The following C1orf21 variants were observed in gnomAD, a reference collection of about 807,000 sequenced individuals.
The protein encoded by C1orf21 is uncharacterized protein C1orf21.
C1orf21 carries 3 observed loss-of-function variants against 18.7 expected under a neutral mutation model. The observed-to-expected ratio is 0.16, with a 90% CI of 0.07 to 0.42. The LOEUF is 0.42. Ranked by LOEUF, C1orf21 falls within the 10% of genes least tolerant of loss-of-function variation. The pLI, the probability that C1orf21 is intolerant of heterozygous loss-of-function variation, is 0.99. For synonymous variants in C1orf21, 41 were observed against 46.4 expected (o/e 0.88, Z 0.47); for missense variants, 104 against 143.6 (o/e 0.72, Z 1.41).
At chr1:184,442,441 C>T (rs114461050) in intron 1 of C1orf21, among the ~76,000 whole-genome samples, 2,696 of 152,236 alleles carry the variant, frequency 0.018, 44 homozygotes, top group Middle Eastern at 0.044. Context: ...TGAAAAGTGA[C>T]GTCTGTAAAA....
chr1:184,501,629 G>C (rs1313932476), intron 2 of C1orf21, among the ~76,000 whole-genome samples: 2 of 152,172 alleles, frequency 1.3e-5, no homozygotes, highest in Admixed American at 1.3e-4. Flanking sequence ...CATATTCCCA[G>C]GGCTGAGTGT....
intron 1 of C1orf21, among the ~76,000 whole-genome samples, chr1:184,428,272 G>A (rs1373042551): frequency 6.6e-6 from 1 of 152,206 alleles, no homozygotes; most frequent in East Asian, 1.9e-4. Flanking sequence ...GTATATCATT[G>A]TATAGGGGAC....
intron 3 of C1orf21, among the ~76,000 whole-genome samples, chr1:184,562,858 G>A (rs1157578779): frequency 6.6e-6 from 1 of 152,162 alleles, no homozygotes; most frequent in East Asian, 1.9e-4. Flanking sequence ...ATATTTGCAC[G>A]TGTGCTTAAT....
rs536228985 is a variant in C1orf21, at chr1:184,452,541, G to C, written c.-124-24845G>C. Among the ~76,000 whole-genome samples, 50 of 152,276 alleles carry C rather than the reference G, an allele frequency of 3.3e-4. No individual in the cohort carries two copies. The East Asian group carries it at 8.9e-3, about 27-fold the overall frequency. On this transcript the variant is annotated intron_variant, in intron 1 of 5. Transcript: ENST00000235307. ...GTCATATTTGTCCCATGTAACATGA[G>C]GCAAAGTGGCAAGAAGAGGGCGTAA...
chr1:184,429,237 A>G lies in C1orf21; in HGVS notation c.-125+41869A>G, dbSNP rs117868269. The stretch of plus-strand genomic sequence containing the variant: ...ACCTCAGCACGTTGCTAGCATTGAA[A>G]GAATAAATAGATTCTGGGGCTGGAG... On this transcript the variant is annotated intron_variant, in intron 1 of 5. Coordinates refer to ENST00000235307, the MANE Select transcript of C1orf21 (RefSeq NM_030806.4). 7.3e-4 allele frequency among the ~76,000 whole-genome samples: 111 copies of G among 152,304 alleles called. 2 individuals carry two copies. The East Asian group carries it at 0.018, about 25-fold the overall frequency.
intron 1 of C1orf21, among the ~76,000 whole-genome samples, chr1:184,455,364 A>T (rs913779360): frequency 1.3e-4 from 20 of 152,156 alleles, no homozygotes; most frequent in African/African-American, 3.9e-4. Context: ...ATCACTTGGG[A>T]TCTTCTTAGA....
At chr1:184,566,227 T>C in intron 3 of C1orf21, among the ~76,000 whole-genome samples, 1 of 152,172 alleles carries the variant, frequency 6.6e-6, no homozygotes, top group East Asian at 1.9e-4. Context: ...GTTGGCTGCA[T>C]GTGCCAGGGA....
At chr1:184,512,187 T>A (rs1317566065) in intron 3 of C1orf21, among the ~76,000 whole-genome samples, 1 of 152,232 alleles carries the variant, frequency 6.6e-6, no homozygotes, top group Non-Finnish European at 1.5e-5. Flanking sequence ...AGTGGTTCAT[T>A]TTTAAAGATT....
chr1:184,541,931 T>G (rs938725095), intron 3 of C1orf21, among the ~76,000 whole-genome samples: 1 of 152,222 alleles, frequency 6.6e-6, no homozygotes, highest in Non-Finnish European at 1.5e-5. Context: ...CTTAGCCAGC[T>G]ATCCTATGAC....
chr1:184,489,380 A>G (rs570238815), intron 2 of C1orf21, among the ~76,000 whole-genome samples: 8 of 152,304 alleles, frequency 5.3e-5, no homozygotes, highest in African/African-American at 1.7e-4. Flanking sequence ...CCAAAAAAAC[A>G]AACCAGCAAA....
At chr1:184,563,837 C>T (rs1658997631) in intron 3 of C1orf21, among the ~76,000 whole-genome samples, 1 of 152,130 alleles carries the variant, frequency 6.6e-6, no homozygotes, top group African/African-American at 2.4e-5. Context: ...TGTGGAAATC[C>T]ACAAGGTGGA....
intron 3 of C1orf21, among the ~76,000 whole-genome samples, chr1:184,549,724 T>A (rs946433423): frequency 3.9e-5 from 6 of 152,118 alleles, no homozygotes; most frequent in African/African-American, 1.4e-4. Flanking sequence ...GTGTTTTTTC[T>A]CTAGTCTATC....
chr1:184,567,162 G>T (rs747055895), intron 3 of C1orf21: 1 of 476,844 alleles, frequency 2.1e-6, no homozygotes, highest in Non-Finnish European at 4.2e-6. Flanking sequence ...GGTGGTTACT[G>T]GTGTGAGCTC....
intron 1 of C1orf21, among the ~76,000 whole-genome samples, chr1:184,439,608 T>A (rs1656913953): frequency 2.0e-5 from 3 of 152,272 alleles, no homozygotes; most frequent in Non-Finnish European, 4.4e-5. Context: ...ATTTATTAAA[T>A]ACTTGGGATT....
intron 3 of C1orf21, 121 bp downstream of exon 3, chr1:184,507,803 T>G: frequency 1.3e-6 from 1 of 749,618 alleles, no homozygotes; most frequent in Non-Finnish European, 2.1e-6. Flanking sequence ...ATGCTGCAGC[T>G]ATTTATAGCT....
At chr1:184,493,672 G>A (rs1657849357) in intron 2 of C1orf21, among the ~76,000 whole-genome samples, 1 of 152,148 alleles carries the variant, frequency 6.6e-6, no homozygotes, top group African/African-American at 2.4e-5. Context: ...GTGGCACCAA[G>A]TATTTTTGCA....
intron 2 of C1orf21, among the ~76,000 whole-genome samples, chr1:184,478,533 A>G (rs998590378): frequency 6.6e-6 from 1 of 152,212 alleles, no homozygotes; most frequent in African/African-American, 2.4e-5. Flanking sequence ...CCTTGAGACA[A>G]CCGTCAGGAG....
At chr1:184,431,428 G>T (rs924986137) in intron 1 of C1orf21, among the ~76,000 whole-genome samples, 5 of 152,140 alleles carry the variant, frequency 3.3e-5, no homozygotes, top group African/African-American at 1.2e-4. Context: ...GCAGAAAACT[G>T]AAACTGGACC....
At chr1:184,475,734 GGTGTGTGTGTGTGTGTGTGTGT>G (rs10553261) in intron 1 of C1orf21, among the ~76,000 whole-genome samples, 1 of 138,080 alleles carries the variant, frequency 7.2e-6, no homozygotes, top group Non-Finnish European at 1.6e-5. Context: ...AATGGAATAG[GGTGTGTGTGTGTGTGTGTGTGT>G]GTGTGTGTGT....
Sources: allele counts gnomAD v4.1 joint callset (sites outside exome capture counted in the v4.1 genomes callset), GRCh38; gene constraint gnomAD v4.1.1; transcripts MANE v1.5; gene names NCBI Gene and HGNC (gene_info 2026-07-23, HGNC 2026-07-21).